Variants in NAT1 observed in about 807,000 individuals in gnomAD.
NAT1 encodes arylamine N-acetyltransferase 1.
For missense variants in NAT1, 400 were observed against 339.2 expected (o/e 1.18, Z -1.41); for synonymous variants, 144 against 122.6 (o/e 1.17, Z -1.16).
intron 2 of NAT1, among the ~76,000 whole-genome samples, chr8:18,186,740 C>T (rs1017690059): frequency 2.0e-5 from 3 of 152,054 alleles, no homozygotes; most frequent in Non-Finnish European, 2.9e-5. Flanking sequence ...CTTTACAGAT[C>T]GCAACATGCC....
chr8:18,193,898 C>T (rs11785618), intron 2 of NAT1, among the ~76,000 whole-genome samples: 8,484 of 152,128 alleles, frequency 0.056, 315 homozygotes, highest in Non-Finnish European at 0.089. Flanking sequence ...GCCTCGGCCT[C>T]CCAAAGTGCT....
At chr8:18,171,383 CT>C (rs28383660) in intron 2 of NAT1, among the ~76,000 whole-genome samples, 65,487 of 151,886 alleles carry the variant, frequency 0.43, 15,509 homozygotes, top group South Asian at 0.64. Context: ...TCCAAATTGC[CT>C]CCTTAAAAGA....
intron 2 of NAT1, among the ~76,000 whole-genome samples, chr8:18,203,513 G>A (rs756713509): frequency 7.9e-5 from 12 of 152,144 alleles, no homozygotes; most frequent in Admixed American, 2.6e-4. Context: ...TTTTCTGTGA[G>A]CTTATGTTAT....
chr8:18,222,242 T>A lies in NAT1; in HGVS notation c.195T>A (p.Gly65=). 6.2e-7 allele frequency: 1 copy of A among 1,613,964 alleles called. No individual in the cohort carries two copies. The highest frequency in any genetic ancestry group is 1.3e-5 in the African/African-American group (1 of 74,984). ...ATCAAGTTGTGAGAAGAAATCGGGG[T>A]GGATGGTGTCTCCAGGTCAATCATC... ...IFDQVVRRNR[G]GWCLQVNHLL... is the part of the protein sequence containing the mutation. Residue 65 remains glycine (G), a synonymous_variant, in exon 3 of 3, where the codon GGT becomes GGA. Transcript: ENST00000307719.
At chr8:18,217,415 T>C (rs1174791770) in intron 1 of NAT1, among the ~76,000 whole-genome samples, 3 of 152,252 alleles carry the variant, frequency 2.0e-5, no homozygotes, top group African/African-American at 7.2e-5. Context: ...TGAGTAAATG[T>C]AGACTATCTT....
rs1192355464 is a variant in NAT1 at position 18,181,709 on chromosome 8, G to A, written n.92+10970G>A. ...CTCCATTTGGTATGATGTTAGCTGC[G>A]GGTTGTCATATATAGCCTTTATTGT... is the stretch of plus-strand genomic sequence containing the variant. On this transcript the variant is annotated intron_variant and non_coding_transcript_variant, in intron 2 of 4. Coordinates refer to the NAT1 transcript ENST00000517441. 2.6e-5 allele frequency among the ~76,000 whole-genome samples: 4 copies of A among 152,066 alleles called. No individual in the cohort carries two copies. In the East Asian group the frequency reaches 5.8e-4, roughly 22 times the overall value.
intron 2 of NAT1, among the ~76,000 whole-genome samples, chr8:18,221,095 A>G (rs1273466548): frequency 6.6e-6 from 1 of 152,218 alleles, no homozygotes; most frequent in Non-Finnish European, 1.5e-5. Flanking sequence ...CCAAGGCTGC[A>G]GTTGCCTGTC....
chr8:18,177,634 T>C (rs1802339741), intron 2 of NAT1, among the ~76,000 whole-genome samples: 1 of 152,054 alleles, frequency 6.6e-6, no homozygotes, highest in Non-Finnish European at 1.5e-5. Context: ...ATAAATGCAG[T>C]GGGAGGAAAG....
chr8:18,182,378 C>G (rs371802133), intron 2 of NAT1, among the ~76,000 whole-genome samples: 2 of 152,014 alleles, frequency 1.3e-5, no homozygotes, highest in Non-Finnish European at 2.9e-5. Context: ...ATTTTGTGTA[C>G]AAATTTTCTT....
intron 2 of NAT1, among the ~76,000 whole-genome samples, chr8:18,187,425 T>C (rs1275251248): frequency 6.6e-6 from 1 of 152,188 alleles, no homozygotes; most frequent in African/African-American, 2.4e-5. Context: ...CTATTCACAA[T>C]AGCAAAGACA....
intron 2 of NAT1, among the ~76,000 whole-genome samples, chr8:18,173,693 A>G (rs1471396572): frequency 8.5e-5 from 13 of 152,170 alleles, no homozygotes; most frequent in Admixed American, 7.9e-4. Context: ...CACCAATAGA[A>G]TGGGTATAAG....
At chr8:18,196,533 A>T (rs1012785734) in intron 2 of NAT1, among the ~76,000 whole-genome samples, 11 of 152,186 alleles carry the variant, frequency 7.2e-5, no homozygotes, top group Non-Finnish European at 1.2e-4. Flanking sequence ...AACTATCTCC[A>T]CTCAATATTT....
intron 2 of NAT1, among the ~76,000 whole-genome samples, chr8:18,198,072 C>A (rs961602380): frequency 6.6e-6 from 1 of 152,030 alleles, no homozygotes; most frequent in Non-Finnish European, 1.5e-5. Flanking sequence ...TTTAGAGATA[C>A]CATGCCTTAT....
At chr8:18,176,548 T>G (rs10282954) in intron 2 of NAT1, among the ~76,000 whole-genome samples, 1 of 151,522 alleles carries the variant, frequency 6.6e-6, no homozygotes, top group East Asian at 1.9e-4. Context: ...TTCTATTGTG[T>G]TTCATTGGTT....
At chr8:18,220,880 C>G (rs151112624) in intron 2 of NAT1, among the ~76,000 whole-genome samples, 55 of 152,234 alleles carry the variant, frequency 3.6e-4, no homozygotes, top group African/African-American at 1.2e-3. Context: ...AGCACTGGTC[C>G]TAGAGCATAT....
chr8:18,177,804 C>T (rs1261051512), intron 2 of NAT1, among the ~76,000 whole-genome samples: 1 of 152,038 alleles, frequency 6.6e-6, no homozygotes, highest in Admixed American at 6.6e-5. Context: ...TATCGTTGTC[C>T]AGGAGAATCC....
At chr8:18,213,836 G>A (rs1273779542) in intron 1 of NAT1, among the ~76,000 whole-genome samples, 2 of 144,006 alleles carry the variant, frequency 1.4e-5, no homozygotes, top group Non-Finnish European at 3.0e-5. Context: ...TTTTTTTTGA[G>A]ATGGAGTCTC....
chr8:18,194,486 T>C (rs1166627290), intron 2 of NAT1, among the ~76,000 whole-genome samples: 1 of 152,158 alleles, frequency 6.6e-6, no homozygotes, highest in African/African-American at 2.4e-5. Context: ...GAGAGTTTAA[T>C]GGCCCTGTAG....
chr8:18,206,143 C>T (rs779766836), upstream of NAT1, among the ~76,000 whole-genome samples: 1 of 152,212 alleles, frequency 6.6e-6, no homozygotes, highest in Non-Finnish European at 1.5e-5. Context: ...GGGTCTCCTT[C>T]TGCTGGAGTT....
Sources: gnomAD v4.1 joint callset for allele counts (sites outside exome capture counted in the v4.1 genomes callset) on GRCh38, gnomAD v4.1.1 for gene constraint, MANE v1.5 for transcripts, NCBI Gene and HGNC (gene_info 2026-07-23, HGNC 2026-07-21) for gene names.